The following MCPH1 variants were observed in gnomAD, a reference collection of about 807,000 sequenced individuals.
MCPH1 encodes the protein microcephalin.
MCPH1 carries 104 observed loss-of-function variants against 84.5 expected under a neutral mutation model. The observed-to-expected ratio is 1.23, with a 90% CI of 1.05 to 1.45. MCPH1 has a LOEUF of 1.45. Ranked by LOEUF, MCPH1 falls within the 40% of genes most tolerant of loss-of-function variation. The probability of loss-of-function intolerance (pLI) is 0.00; values close to 1 mark genes in which losing one functional copy is unlikely to be tolerated. For missense variants in MCPH1, 1,498 were observed against 1,005.7 expected (o/e 1.49, Z -6.62); for synonymous variants, 514 against 366.8 (o/e 1.40, Z -4.58).
intron 3 of MCPH1, among the ~76,000 whole-genome samples, chr8:6,417,341 TGTG>T (rs1248513432): frequency 1.3e-5 from 2 of 152,170 alleles, no homozygotes; most frequent in African/African-American, 4.8e-5. Flanking sequence ...TCAGCTCTCT[TGTG>T]GTGTGAAAGG....
intron 12 of MCPH1, among the ~76,000 whole-genome samples, chr8:6,592,054 T>A (rs1213987302): frequency 6.6e-6 from 1 of 152,206 alleles, no homozygotes; most frequent in Non-Finnish European, 1.5e-5. Context: ...TTTTTCCTTA[T>A]ACCTATATTC....
chr8:6,589,958 A>G (rs1162439706), intron 12 of MCPH1, among the ~76,000 whole-genome samples: 1 of 152,260 alleles, frequency 6.6e-6, no homozygotes, highest in Non-Finnish European at 1.5e-5. Flanking sequence ...ACTCTAAAGT[A>G]TCTAAAAGAC....
intron 3 of MCPH1, among the ~76,000 whole-genome samples, chr8:6,426,277 C>G (rs143411757): frequency 1.3e-5 from 2 of 152,186 alleles, no homozygotes; most frequent in African/African-American, 2.4e-5. Context: ...TGTGTCACCA[C>G]CACAACCAAA....
intron 9 of MCPH1, among the ~76,000 whole-genome samples, chr8:6,468,375 C>T (rs987266233): frequency 6.6e-6 from 1 of 152,208 alleles, no homozygotes; most frequent in Non-Finnish European, 1.5e-5. Flanking sequence ...TTCTCCCACA[C>T]ACCCAGACCG....
intron 12 of MCPH1, chr8:6,521,202 G>A (rs1817269588): frequency 5.0e-6 from 8 of 1,613,690 alleles, no homozygotes; most frequent in Non-Finnish European, 6.8e-6. Flanking sequence ...ATCATAGTCA[G>A]TAAGTTATTA....
intron 8 of MCPH1, among the ~76,000 whole-genome samples, chr8:6,453,437 A>AT (rs1299984992): frequency 7.9e-5 from 12 of 151,152 alleles, no homozygotes; most frequent in Admixed American, 4.0e-4. Context: ...GTTTTAAAAG[A>AT]TTGTGTTGCA....
intron 12 of MCPH1, among the ~76,000 whole-genome samples, chr8:6,535,363 G>T (rs1030053059): frequency 2.0e-5 from 3 of 152,054 alleles, no homozygotes; most frequent in African/African-American, 7.2e-5. Context: ...AAGACATACA[G>T]GCCCAATTTT....
At chr8:6,412,296 G>A (rs1798650524) in intron 2 of MCPH1, among the ~76,000 whole-genome samples, 1 of 152,180 alleles carries the variant, frequency 6.6e-6, no homozygotes, top group Non-Finnish European at 1.5e-5. Context: ...GAACTACTGT[G>A]AATAAGAAAA....
At chr8:6,604,098 T>TAGAG (rs771212078) in intron 12 of MCPH1, among the ~76,000 whole-genome samples, 142,739 of 151,780 alleles carry the variant, frequency 0.94, 67,775 homozygotes, top group Non-Finnish European at 1. Flanking sequence ...TGGTGGCCTC[T>TAGAG]GGATGGGGAC....
intron 12 of MCPH1, among the ~76,000 whole-genome samples, chr8:6,512,461 A>G (rs952253468): frequency 6.6e-6 from 1 of 152,124 alleles, no homozygotes; most frequent in Admixed American, 6.5e-5. Flanking sequence ...GTTGACCTTC[A>G]TTTGCTAATT....
intron 12 of MCPH1, among the ~76,000 whole-genome samples, chr8:6,575,143 T>C (rs1826966595): frequency 6.6e-6 from 1 of 152,108 alleles, no homozygotes; most frequent in Admixed American, 6.6e-5. Context: ...TCCTATTGCA[T>C]GTTTGGGTCT....
At chr8:6,614,635 T>C (rs1830621856) in intron 12 of MCPH1, among the ~76,000 whole-genome samples, 1 of 152,226 alleles carries the variant, frequency 6.6e-6, no homozygotes, top group South Asian at 2.1e-4. Flanking sequence ...CAACGTGACT[T>C]GTCTCTGTAG....
chr8:6,599,759 CAG>C (rs1829223585), intron 12 of MCPH1, among the ~76,000 whole-genome samples: 2 of 152,126 alleles, frequency 1.3e-5, no homozygotes, highest in African/African-American at 4.8e-5. Context: ...TAGGAAGTTA[CAG>C]AGAGATTCAA....
chr8:6,600,457 C>G (rs1436724626), intron 12 of MCPH1, among the ~76,000 whole-genome samples: 2 of 152,194 alleles, frequency 1.3e-5, no homozygotes, highest in Non-Finnish European at 2.9e-5. Context: ...ATACATTTAC[C>G]ATTGCCACCA....
intron 12 of MCPH1, among the ~76,000 whole-genome samples, chr8:6,554,350 G>T (rs1824210898): frequency 6.6e-6 from 1 of 151,516 alleles, no homozygotes; most frequent in Admixed American, 6.6e-5. Flanking sequence ...TTCCTTTTAA[G>T]ACTTTGTTCA....
chr8:6,596,623 G>A (rs1828943946), intron 12 of MCPH1, among the ~76,000 whole-genome samples: 1 of 152,062 alleles, frequency 6.6e-6, no homozygotes, highest in Non-Finnish European at 1.5e-5. Context: ...GCATGATGAG[G>A]GGTGCACAGA....
In MCPH1 at chr8:6,647,585, A is replaced by G. The variant is rs550601095; in HGVS notation, c.*4536A>G. ...TGGAACGCTACTCAGCAAACTTCTA[A>G]AAAGCAACAAACTACTAAACACGTG... On this transcript the variant is annotated 3_prime_UTR_variant, in exon 14 of 14. Transcript: ENST00000344683. 18 of 152,260 alleles carry G rather than the reference A, an allele frequency of 1.2e-4. No homozygotes were observed. Among genetic ancestry groups the G allele is most frequent in the Non-Finnish European group, 2.5e-4 (17 of 68,044 alleles). 9.4% of individuals were successfully genotyped at this position (152,260 alleles called of 1,614,324 possible). A position where few individuals can be genotyped will look rare whatever the true frequency, so the allele number is the denominator to read the frequency against.
intron 12 of MCPH1, chr8:6,532,432 T>G: frequency 1.2e-6 from 2 of 1,614,016 alleles, no homozygotes; most frequent in Non-Finnish European, 1.7e-6. Flanking sequence ...CTGTACTGCA[T>G]TCTGCTGTAT....
intron 13 of MCPH1, chr8:6,625,442 C>T (rs1831970002): frequency 1.0e-6 from 1 of 985,310 alleles, no homozygotes; most frequent in Non-Finnish European, 1.2e-6. Context: ...CTTCTCTGGA[C>T]AATGTTTCAT....
Sources: gnomAD v4.1 joint callset for allele counts (sites outside exome capture counted in the v4.1 genomes callset) on GRCh38, gnomAD v4.1.1 for gene constraint, MANE v1.5 for transcripts, NCBI Gene and HGNC (gene_info 2026-07-23, HGNC 2026-07-21) for gene names.